OR1F1: variants seen among roughly 807,000 people sequenced by gnomAD.
OR1F1 encodes olfactory receptor 1F1.
For missense variants in OR1F1, 493 were observed against 376.3 expected (o/e 1.31, Z -2.57); for synonymous variants, 184 against 156.7 (o/e 1.17, Z -1.30).
chr16:3,202,705 T>C (rs999582076), upstream of OR1F1, among the ~76,000 whole-genome samples: 14 of 134,184 alleles, frequency 1.0e-4, no homozygotes, highest in South Asian at 4.6e-4. Context: ...ATAATAATAA[T>C]AACAATTTAA....
chr16:3,195,099 C>A, the OR1F1 span, among the ~76,000 whole-genome samples: 1 of 152,200 alleles, frequency 6.6e-6, no homozygotes, highest in Non-Finnish European at 1.5e-5. Flanking sequence ...CTCCGGGAAG[C>A]GCATCCCGGC....
chr16:3,191,820 G>T, the OR1F1 span, among the ~76,000 whole-genome samples: 1 of 152,092 alleles, frequency 6.6e-6, no homozygotes, highest in African/African-American at 2.4e-5. Flanking sequence ...GGTGTGAGGG[G>T]TGCAGGGGCC....
chr16:3,190,443 C>G, the OR1F1 span, among the ~76,000 whole-genome samples: 7 of 151,924 alleles, frequency 4.6e-5, no homozygotes, highest in African/African-American at 1.4e-4. Flanking sequence ...AAGAAATTTA[C>G]AAGGAAAATG....
At chr16:3,194,185 C>A in the OR1F1 span, among the ~76,000 whole-genome samples, 1 of 152,174 alleles carries the variant, frequency 6.6e-6, no homozygotes, top group Non-Finnish European at 1.5e-5. Flanking sequence ...TTTTACTTAC[C>A]TCTCTCCACA....
At chr16:3,192,052 G>C in the OR1F1 span, among the ~76,000 whole-genome samples, 9 of 152,074 alleles carry the variant, frequency 5.9e-5, no homozygotes, top group African/African-American at 2.2e-4. Context: ...TCAAATCCCG[G>C]ACGAGCCCCT....
the OR1F1 span, among the ~76,000 whole-genome samples, chr16:3,198,320 G>T: frequency 6.6e-6 from 1 of 152,092 alleles, no homozygotes; most frequent in South Asian, 2.1e-4. Context: ...CAGGAAGAGC[G>T]GGTGTTTTCA....
At chr16:3,204,645 A>T (rs922118481) in exon 1 of OR1F1, 1 of 1,614,014 alleles carries the variant, frequency 6.2e-7, no homozygotes, top group Non-Finnish European at 8.5e-7. Context: ...TACATTACAC[A>T]GCAAAGATGA....
At chr16:3,201,717 A>G (rs6501155), upstream of OR1F1, among the ~76,000 whole-genome samples, 42,339 of 151,944 alleles carry the variant, frequency 0.28, 6,564 homozygotes, top group African/African-American at 0.42. Flanking sequence ...TGAGGTAGGA[A>G]GCAGGGCTCG....
chr16:3,199,599 A>T (rs191497923), upstream of OR1F1, among the ~76,000 whole-genome samples: 1 of 152,238 alleles, frequency 6.6e-6, no homozygotes, highest in African/African-American at 2.4e-5. Flanking sequence ...CCAAAGTGCT[A>T]GTGTTGACCA....
the OR1F1 span, among the ~76,000 whole-genome samples, chr16:3,195,766 TG>T: frequency 3.0e-4 from 45 of 152,330 alleles, no homozygotes; most frequent in African/African-American, 1.1e-3. Context: ...AAGTCCATTT[TG>T]TTAACTGCTA....
At chr16:3,204,126 T>G (rs2141592553), upstream of OR1F1, 2 of 700,288 alleles carry the variant, frequency 2.9e-6, no homozygotes, top group East Asian at 5.4e-5. Flanking sequence ...TTGACAATAT[T>G]ATCATTTACA....
the OR1F1 span, among the ~76,000 whole-genome samples, chr16:3,189,325 T>C: frequency 6.6e-6 from 1 of 152,186 alleles, no homozygotes; most frequent in Non-Finnish European, 1.5e-5. Flanking sequence ...TCCCATGTCC[T>C]GCGGAAGCTG....
At chr16:3,199,694 A>G (rs1958114103), upstream of OR1F1, among the ~76,000 whole-genome samples, 1 of 152,186 alleles carries the variant, frequency 6.6e-6, no homozygotes, top group Non-Finnish European at 1.5e-5. Context: ...AGCATAGAGT[A>G]ACTTCTTGCA....
upstream of OR1F1, among the ~76,000 whole-genome samples, chr16:3,201,888 C>T (rs1958139307): frequency 6.6e-6 from 1 of 152,194 alleles, no homozygotes; most frequent in Non-Finnish European, 1.5e-5. Flanking sequence ...TCTGCATAAA[C>T]TGCACCTTAT....
the OR1F1 span, among the ~76,000 whole-genome samples, chr16:3,192,027 C>G: frequency 2.0e-5 from 3 of 151,884 alleles, no homozygotes; most frequent in East Asian, 1.9e-4. Flanking sequence ...GCTTAGGATG[C>G]GAGAGGTCCC....
Position 3,205,067 on chromosome 16 carries a change from C to T in OR1F1, c.821C>T (p.Ala274Val), listed in dbSNP as rs372234711. 5.2e-5 allele frequency: 84 copies of T among 1,613,858 alleles called. No individual in the cohort carries two copies. The highest frequency in any genetic ancestry group is 6.7e-5 in the Non-Finnish European group (79 of 1,179,896). The change falls in exon 1 of 1, where the codon GCT becomes GTT. Residue 274 changes from alanine (A) to valine (V), a missense_variant. Coordinates refer to ENST00000304646, the Ensembl canonical transcript of OR1F1. ...CACTCAGCTGAGAAAGACACTATGG[C>T]TACTGTGTTGTATACAGTAGTGACT... is the stretch of plus-strand genomic sequence containing the variant.
the OR1F1 span, among the ~76,000 whole-genome samples, chr16:3,193,064 G>A: frequency 6.6e-6 from 1 of 152,126 alleles, no homozygotes; most frequent in Non-Finnish European, 1.5e-5. Context: ...AGCCTTCCGA[G>A]TAGTTGGAGG....
At chr16:3,192,260 G>A in the OR1F1 span, among the ~76,000 whole-genome samples, 3 of 151,490 alleles carry the variant, frequency 2.0e-5, no homozygotes, top group South Asian at 2.1e-4. Context: ...GTTTCACCGT[G>A]TTAGCCAGGA....
chr16:3,196,519 C>A, the OR1F1 span, among the ~76,000 whole-genome samples: 13 of 151,232 alleles, frequency 8.6e-5, no homozygotes, highest in African/African-American at 2.9e-4. Context: ...AAGTAGCTGG[C>A]ACCACAGGCA....
Sources: allele counts gnomAD v4.1 joint callset (sites outside exome capture counted in the v4.1 genomes callset), GRCh38; gene constraint gnomAD v4.1.1; transcripts MANE v1.5; gene names NCBI Gene and HGNC (gene_info 2026-07-23, HGNC 2026-07-21).